The following CRYBA4 variants were observed in gnomAD, a reference collection of about 807,000 sequenced individuals.
CRYBA4 encodes beta-crystallin A4.
A neutral mutation model predicts 31.7 loss-of-function variants in CRYBA4; 30 were observed. The ratio of observed to expected loss-of-function variants is 0.95; its 90% CI spans 0.71 to 1.28. The LOEUF (loss-of-function observed/expected upper bound fraction) is 1.28. Ranked by LOEUF, CRYBA4 falls within the 50% of genes most tolerant of loss-of-function variation. The pLI, the probability that CRYBA4 is intolerant of heterozygous loss-of-function variation, is 0.00. For missense variants in CRYBA4, 225 were observed against 260.7 expected (o/e 0.86, Z 0.94); for synonymous variants, 102 against 102.3 (o/e 1.00, Z 0.02).
chr22:26,619,080 T>A (rs1465753668), upstream of CRYBA4, among the ~76,000 whole-genome samples: 1 of 152,172 alleles, frequency 6.6e-6, no homozygotes, highest in East Asian at 1.9e-4. Context: ...GCTTGGCACA[T>A]CATGGGTTCT....
upstream of CRYBA4, among the ~76,000 whole-genome samples, chr22:26,618,797 G>A (rs904581685): frequency 2.0e-5 from 3 of 152,176 alleles, no homozygotes; most frequent in Admixed American, 6.5e-5. Flanking sequence ...TGGGAGAGTC[G>A]CACTGTGCTC....
intron 5 of CRYBA4, among the ~76,000 whole-genome samples, chr22:26,629,734 C>CAAAAAA (rs66906132): frequency 0.11 from 8,786 of 79,170 alleles, 1,393 homozygotes; most frequent in South Asian, 0.18. Context: ...GACTCTGTCT[C>CAAAAAA]AAAAAAAAAA....
chr22:26,613,236 G>A, the CRYBA4 span, among the ~76,000 whole-genome samples: 17 of 152,198 alleles, frequency 1.1e-4, no homozygotes, highest in Non-Finnish European at 2.1e-4. Flanking sequence ...TTGGGACAAC[G>A]TTGCCATTCA....
At chr22:26,610,023 A>G in the CRYBA4 span, among the ~76,000 whole-genome samples, 107 of 146,138 alleles carry the variant, frequency 7.3e-4, no homozygotes, top group East Asian at 0.019. Context: ...TTCTGGAAAA[A>G]CAGACACTGA....
At chr22:26,618,464 G>A (rs16982453), upstream of CRYBA4, among the ~76,000 whole-genome samples, 5,184 of 148,034 alleles carry the variant, frequency 0.035, 152 homozygotes, top group East Asian at 0.094. Flanking sequence ...GTCCCTGTTG[G>A]ATGCCATATA....
At chr22:26,611,719 C>T in the CRYBA4 span, among the ~76,000 whole-genome samples, 1 of 152,116 alleles carries the variant, frequency 6.6e-6, no homozygotes, top group African/African-American at 2.4e-5. Flanking sequence ...CGTGATCCAC[C>T]CGCCTCGGCC....
In CRYBA4 at chr22:26,627,359, CCTTTCTTTCTTTCTTTCTTTCTTT is replaced by C. The variant is rs1245733367; in HGVS notation, c.301-884_301-861del. ...CCCCTCCCTCCCTCCCTCCCTCCCTCCTTTCTTTCTTTCTTTCTTTCTTTCTTTCTTTCTTTCTTTCTTTCTTTC... is the reference window on the plus strand; with the variant it reads ...CCCCTCCCTCCCTCCCTCCCTCCCTCCTTTCTTTCTTTCTTTCTTTCTTTC... On this transcript the variant is annotated intron_variant, in intron 4 of 5. Coordinates refer to ENST00000354760, the MANE Select transcript of CRYBA4 (RefSeq NM_001886.3). 2.1e-3 allele frequency among the ~76,000 whole-genome samples: 87 copies of C among 41,838 alleles called. 1 individual carries two copies. The highest frequency in any genetic ancestry group is 3.2e-3 in the Admixed American group (11 of 3,446). 27.4% of individuals were successfully genotyped at this position (41,838 alleles called of 152,430 possible). A position where few individuals can be genotyped will look rare whatever the true frequency, so the allele number is the denominator to read the frequency against.
the CRYBA4 span, chr22:26,599,444 G>GA: frequency 6.4e-7 from 1 of 1,554,326 alleles, no homozygotes; most frequent in Non-Finnish European, 8.8e-7. Context: ...GGAAATAATT[G>GA]AACATGAAGA....
At chr22:26,620,036 A>T, upstream of CRYBA4, among the ~76,000 whole-genome samples, 1 of 140,670 alleles carries the variant, frequency 7.1e-6, no homozygotes, top group East Asian at 2.1e-4. Flanking sequence ...TGTACTCCTC[A>T]GTATAAGGAT....
At chr22:26,627,429 T>C (rs1929763780) in intron 4 of CRYBA4, among the ~76,000 whole-genome samples, 1 of 115,494 alleles carries the variant, frequency 8.7e-6, no homozygotes, top group Admixed American at 9.0e-5. Flanking sequence ...TCTTTCTTTT[T>C]CTTTCTTTCT....
At chr22:26,628,485 T>G (rs1602343096) in intron 5 of CRYBA4, 55 bp downstream of exon 5, 13 of 1,601,096 alleles carry the variant, frequency 8.1e-6, no homozygotes, top group Non-Finnish European at 1.1e-5. Context: ...GAGGGGTAGG[T>G]GTACCTCCTG....
chr22:26,591,466 C>CAA, the CRYBA4 span, among the ~76,000 whole-genome samples: 19,925 of 111,986 alleles, frequency 0.18, 2,216 homozygotes, highest in African/African-American at 0.32. Context: ...GACTCTGTCT[C>CAA]AAAAAAAAAA....
At chr22:26,596,298 T>C in the CRYBA4 span, among the ~76,000 whole-genome samples, 1 of 152,066 alleles carries the variant, frequency 6.6e-6, no homozygotes, top group East Asian at 1.9e-4. Flanking sequence ...GGCTTCACCA[T>C]GTTGACCAGG....
At chr22:26,597,383 C>T in the CRYBA4 span, among the ~76,000 whole-genome samples, 1 of 152,232 alleles carries the variant, frequency 6.6e-6, no homozygotes, top group Non-Finnish European at 1.5e-5. Context: ...ATCACATTTA[C>T]ATGGTAGACG....
the CRYBA4 span, among the ~76,000 whole-genome samples, chr22:26,591,045 T>C: frequency 6.6e-6 from 1 of 152,218 alleles, no homozygotes; most frequent in African/African-American, 2.4e-5. Context: ...TCTTTTAACT[T>C]TCTATTTGCC....
chr22:26,605,650 G>T, the CRYBA4 span, among the ~76,000 whole-genome samples: 3 of 131,824 alleles, frequency 2.3e-5, no homozygotes, highest in African/African-American at 8.5e-5. Context: ...TCCAGCCTGG[G>T]CAACAGAGTT....
At chr22:26,592,373 A>G in the CRYBA4 span, among the ~76,000 whole-genome samples, 1 of 152,250 alleles carries the variant, frequency 6.6e-6, no homozygotes, top group Non-Finnish European at 1.5e-5. Context: ...TCCTTCAACA[A>G]GCCTTCACAG....
chr22:26,619,033 A>G (rs1929452217), upstream of CRYBA4, among the ~76,000 whole-genome samples: 1 of 152,168 alleles, frequency 6.6e-6, no homozygotes, highest in Non-Finnish European at 1.5e-5. Flanking sequence ...CTTGTTCACC[A>G]CTGGCCCCAG....
rs370994296 is a variant in CRYBA4 at position 26,622,494 on chromosome 22, G to A, written c.-12-91G>A. ...GCCCAGTCACTCCTGGACTCCCTAT[G>A]TGGATCCTGACCAGGTCCAAGCCAG... On this transcript the variant is annotated intron_variant, in intron 1 of 5. Coordinates refer to ENST00000354760, the MANE Select transcript of CRYBA4 (RefSeq NM_001886.3). 1.3e-4 allele frequency: 139 copies of A among 1,111,712 alleles called. No individual in the cohort carries two copies. The African/African-American group carries it at 1.8e-3, about 15-fold the overall frequency. The allele number at this position is 1,111,712 out of a possible 1,614,324, so 68.9% of individuals were successfully genotyped here.
Sources: gnomAD v4.1 joint callset for allele counts (sites outside exome capture counted in the v4.1 genomes callset) on GRCh38, gnomAD v4.1.1 for gene constraint, MANE v1.5 for transcripts, NCBI Gene and HGNC (gene_info 2026-07-23, HGNC 2026-07-21) for gene names.